Variants in IL27RA observed in about 807,000 individuals in gnomAD.
IL27RA encodes the protein interleukin 27 receptor subunit alpha.
IL27RA carries 61 observed loss-of-function variants against 80.8 expected under a neutral mutation model. The observed-to-expected ratio is 0.76, with a 90% CI of 0.61 to 0.93. IL27RA has a LOEUF of 0.93. Ranked by LOEUF, IL27RA falls within the 40% of genes least tolerant of loss-of-function variation. The probability of loss-of-function intolerance (pLI) is 0.00; values close to 1 mark genes in which losing one functional copy is unlikely to be tolerated. For missense variants in IL27RA, 735 were observed against 808.1 expected, an observed-to-expected ratio of 0.91 and a Z score of 1.10; for synonymous variants, 316 against 332.5, an observed-to-expected ratio of 0.95 and a Z score of 0.54.
intron 2 of IL27RA, among the ~76,000 whole-genome samples, chr19:14,034,417 T>C (rs1018598491): frequency 2.6e-5 from 4 of 152,056 alleles, no homozygotes; most frequent in Admixed American, 6.6e-5. Flanking sequence ...CCCAGCACTT[T>C]GGGAGGCCGA....
chr19:14,032,336 A>C, intron 1 of IL27RA, 50 bp from the exon 2 acceptor site: 1 of 1,382,782 alleles, frequency 7.2e-7, no homozygotes. Context: ...GTGCAGGCGG[A>C]AGGGGGGGAT....
In IL27RA at chr19:14,049,027, C is replaced by G. The variant is rs1453899196; in HGVS notation, c.1188C>G (p.Val396=). 5.0e-6 allele frequency: 8 copies of G among 1,613,918 alleles called. No homozygotes were observed. The highest frequency in any genetic ancestry group is 1.7e-5 in the Admixed American group (1 of 59,942). ...GVPYRITVTA[V]SASGLASASS... is the part of the protein sequence containing the mutation. Reference sequence around the variant, plus strand: ...CCTATCGAATCACTGTGACCGCAGTCTCTGCTTCAGGCTTGGCCTCTGCAT... The same window carrying G: ...CCTATCGAATCACTGTGACCGCAGTGTCTGCTTCAGGCTTGGCCTCTGCAT... The change falls in exon 9 of 14, where the codon GTC becomes GTG. Residue 396 remains valine (V), a synonymous_variant. Transcript: ENST00000263379.
chr19:14,043,378 C>T (rs987164201), intron 6 of IL27RA, among the ~76,000 whole-genome samples: 1 of 152,004 alleles, frequency 6.6e-6, no homozygotes, highest in African/African-American at 2.4e-5. Context: ...GAGACTGGAG[C>T]TCAGCTCCAG....
chr19:14,050,640 T>G, intron 10 of IL27RA, 118 bp from the exon 11 acceptor site: 8 of 1,055,816 alleles, frequency 7.6e-6, no homozygotes, highest in African/African-American at 1.6e-5. Context: ...CTAAAAGAGA[T>G]GAGGAGGGAG....
At chr19:14,040,902 ATTTT>A (rs34698681) in intron 4 of IL27RA, among the ~76,000 whole-genome samples, 2 of 139,328 alleles carry the variant, frequency 1.4e-5, no homozygotes, top group Non-Finnish European at 3.1e-5. Flanking sequence ...GAGATGCAGA[ATTTT>A]TTTTTTTTTT....
At chr19:14,033,833 G>A (rs1206870458) in intron 2 of IL27RA, among the ~76,000 whole-genome samples, 1 of 151,898 alleles carries the variant, frequency 6.6e-6, no homozygotes, top group Admixed American at 6.6e-5. Flanking sequence ...ATGTGGTGGT[G>A]CATGCCTGTA....
chr19:14,039,325 A>G (rs1318634280), intron 2 of IL27RA, among the ~76,000 whole-genome samples, 183 bp from the exon 3 acceptor site: 1 of 152,082 alleles, frequency 6.6e-6, no homozygotes, highest in Non-Finnish European at 1.5e-5. Flanking sequence ...CATTTTGTAG[A>G]TGAGGAAACT....
intron 2 of IL27RA, among the ~76,000 whole-genome samples, chr19:14,037,415 C>T (rs1022142623): frequency 1.1e-4 from 16 of 151,702 alleles, no homozygotes; most frequent in African/African-American, 3.6e-4. Flanking sequence ...CCAGGACACA[C>T]GGCTAATTTT....
rs539272775 is a variant in IL27RA, at chr19:14,033,457, G to A, written c.218+954G>A. Among the ~76,000 whole-genome samples, 69 of 151,990 alleles carry A rather than the reference G, an allele frequency of 4.5e-4. 1 individual carries two copies. Among genetic ancestry groups the A allele is most frequent in the African/African-American group, 1.4e-3 (57 of 41,524 alleles). On this transcript the variant is annotated intron_variant, in intron 2 of 13. Transcript: ENST00000263379. The stretch of plus-strand genomic sequence containing the variant: ...ATAAATAAAGGGAAATAGGCCAGGC[G>A]CAGTGGTTCACACCTATAATCCCAG...
chr19:14,038,527 A>G (rs1017798492), intron 2 of IL27RA, among the ~76,000 whole-genome samples: 1 of 146,940 alleles, frequency 6.8e-6, no homozygotes, highest in African/African-American at 2.5e-5. Context: ...GCAGTGATCT[A>G]TGATCGCACT....
rs143374840 is a variant in IL27RA at position 14,035,392 on chromosome 19, G to T, written c.218+2889G>T. Reference sequence around the variant, plus strand: ...CCGGTTACCATTCACCTCCAGAAGGGGGCCTAGTTTTTTTTTATTTGAGAT... The same window carrying T: ...CCGGTTACCATTCACCTCCAGAAGGTGGCCTAGTTTTTTTTTATTTGAGAT... On this transcript the variant is annotated intron_variant, in intron 2 of 13. Coordinates refer to ENST00000263379, the MANE Select transcript of IL27RA (RefSeq NM_004843.4). Among the ~76,000 whole-genome samples, 15 of 151,422 alleles carry T rather than the reference G, an allele frequency of 9.9e-5. No individual in the cohort carries two copies. The East Asian group carries it at 2.2e-3, about 22-fold the overall frequency.
intron 8 of IL27RA, among the ~76,000 whole-genome samples, chr19:14,047,018 A>G (rs1215555553): frequency 6.6e-6 from 1 of 151,606 alleles, no homozygotes; most frequent in Non-Finnish European, 1.5e-5. Flanking sequence ...AAATAAATAA[A>G]TAAATAGCGT....
Position 14,049,220 on chromosome 19 carries a change from G to C in IL27RA, c.1308G>C (p.Ala436=), listed in dbSNP as rs367839117. 6.2e-7 allele frequency: 1 copy of C among 1,614,102 alleles called. No individual in the cohort carries two copies. ...QDAPPGTPAI[A]WGEVPRHQLR... is the part of the protein sequence containing the mutation. The stretch of plus-strand genomic sequence containing the variant: ...CCCCTCCAGGGACCCCCGCCATAGC[G>C]TGGGGAGAGGTCCCAAGGCACCAGC... Residue 436 remains alanine (A), a synonymous_variant, in exon 10 of 14, where the codon GCG becomes GCC. Coordinates refer to ENST00000263379, the MANE Select transcript of IL27RA (RefSeq NM_004843.4).
At chr19:14,049,359 A>ACCCACCCATCAGTCAGC in intron 10 of IL27RA, 45 bp downstream of exon 10, 1 of 1,584,256 alleles carries the variant, frequency 6.3e-7, no homozygotes, top group South Asian at 1.1e-5. Flanking sequence ...CCCCCACAAG[A>ACCCACCCATCAGTCAGC]CCCACCCATC....
intron 8 of IL27RA, among the ~76,000 whole-genome samples, chr19:14,047,707 G>T (rs1426431269): frequency 2.1e-5 from 3 of 145,812 alleles, no homozygotes; most frequent in Non-Finnish European, 1.5e-5. Flanking sequence ...AGGCTGGAGT[G>T]CAGTGGTGCG....
chr19:14,039,327 G>A (rs1460339061), intron 2 of IL27RA, among the ~76,000 whole-genome samples, 181 bp from the exon 3 acceptor site: 1 of 151,964 alleles, frequency 6.6e-6, no homozygotes, highest in African/African-American at 2.4e-5. Context: ...TTTTGTAGAT[G>A]AGGAAACTGA....
At position 14,031,968 on chromosome 19, in the gene IL27RA, C is replaced by A. The variant is rs764873120; in HGVS notation, c.96C>A (p.Pro32=). ...GGGTGCTTTTCCAGCGGACGCGTCC[C>A]CAGGGTGAGTGCTGGAGGGAGCTCG... ...LLWVLFQRTR[P]QGSAGPLQCY... The change falls in exon 1 of 14, where the codon CCC becomes CCA. Residue 32 remains proline, a synonymous_variant. Coordinates refer to ENST00000263379, the MANE Select transcript of IL27RA (RefSeq NM_004843.4). The A allele has an allele frequency of 2.5e-6, 4 of 1,609,132 alleles. No individual in the cohort carries two copies. The highest frequency in any genetic ancestry group is 3.4e-6 in the Non-Finnish European group (4 of 1,177,816).
intron 10 of IL27RA, among the ~76,000 whole-genome samples, chr19:14,049,743 G>A (rs1489587992): frequency 2.0e-5 from 3 of 151,602 alleles, no homozygotes; most frequent in African/African-American, 7.3e-5. Context: ...CACCATGCCC[G>A]GCTAATTTTT....
chr19:14,047,676 T>G (rs1380809279), intron 8 of IL27RA, among the ~76,000 whole-genome samples: 5 of 128,422 alleles, frequency 3.9e-5, no homozygotes, highest in African/African-American at 8.5e-5. Context: ...TTTTTTTTTT[T>G]GGAGTCTTGC....
Sources: allele counts gnomAD v4.1 joint callset (sites outside exome capture counted in the v4.1 genomes callset), GRCh38; gene constraint gnomAD v4.1.1; transcripts MANE v1.5; gene names NCBI Gene and HGNC (gene_info 2026-07-23, HGNC 2026-07-21).